OTUD7A: variants seen among roughly 807,000 people sequenced by gnomAD.
The protein encoded by OTUD7A is OTU domain-containing protein 7A.
In OTUD7A, 12 loss-of-function variants were observed where a neutral mutation model predicts 65.7. The ratio of observed to expected loss-of-function variants is 0.18; its 90% CI spans 0.12 to 0.30. The LOEUF (loss-of-function observed/expected upper bound fraction) is 0.30, where lower values mean the gene tolerates loss of function less well. Among genes scored for constraint, OTUD7A ranks in the 10% least tolerant of loss-of-function variants. The probability of loss-of-function intolerance (pLI) is 1.00; values close to 1 mark genes in which losing one functional copy is unlikely to be tolerated. For missense variants in OTUD7A, 1,148 were observed against 1,304.8 expected, an observed-to-expected ratio of 0.88 and a Z score of 1.85; for synonymous variants, 641 against 586.3, an observed-to-expected ratio of 1.09 and a Z score of -1.35.
intron 3 of OTUD7A, among the ~76,000 whole-genome samples, chr15:31,654,650 G>T (rs990895911): frequency 4.6e-5 from 7 of 152,098 alleles, no homozygotes; most frequent in African/African-American, 1.7e-4. Context: ...GTTCACTATG[G>T]TTATGGCTGA....
intron 8 of OTUD7A, 146 bp from the exon 9 acceptor site, chr15:31,503,964 C>G (rs1410650682): frequency 3.2e-6 from 3 of 949,534 alleles, no homozygotes; most frequent in Non-Finnish European, 4.6e-6. Flanking sequence ...TCCTGGGCCA[C>G]TTCTCATGCC....
At chr15:31,551,297 G>A (rs1035731283) in intron 5 of OTUD7A, among the ~76,000 whole-genome samples, 1 of 152,186 alleles carries the variant, frequency 6.6e-6, no homozygotes, top group Non-Finnish European at 1.5e-5. Context: ...CAAGGAGTGC[G>A]ATTGGGAACA....
At chr15:31,822,035 A>G (rs966988346) in intron 1 of OTUD7A, among the ~76,000 whole-genome samples, 1 of 152,140 alleles carries the variant, frequency 6.6e-6, no homozygotes, top group Admixed American at 6.5e-5. Flanking sequence ...ATTTACAAAT[A>G]TTTTCTCCCA....
intron 3 of OTUD7A, among the ~76,000 whole-genome samples, chr15:31,620,919 C>T (rs2141235980): frequency 8.9e-6 from 1 of 112,184 alleles, no homozygotes; most frequent in East Asian, 2.3e-4. Flanking sequence ...TATAAATTTC[C>T]CTCCACACAC....
At chr15:31,549,311 T>C (rs1246886175) in intron 5 of OTUD7A, among the ~76,000 whole-genome samples, 1 of 152,210 alleles carries the variant, frequency 6.6e-6, no homozygotes, top group Admixed American at 6.5e-5. Flanking sequence ...ATTCTGGATC[T>C]TTTAGCATAG....
chr15:31,596,609 A>T (rs1889910425), intron 3 of OTUD7A, among the ~76,000 whole-genome samples: 1 of 152,190 alleles, frequency 6.6e-6, no homozygotes, highest in Admixed American at 6.5e-5. Flanking sequence ...AACATTGGAA[A>T]GTTCTATTTT....
Position 31,483,509 on chromosome 15 carries a change from C to A in OTUD7A, c.2587G>T (p.Gly863Cys). ...HKSQTYTNGF[G>C]ALRDGLEFAD... ...AACTCCAGGCCGTCGCGCAGGGCGC[C>A]GAAGCCGTTGGTGTAGGTCTGCGAC... Residue 863 changes from glycine to cysteine, a missense_variant, in exon 13 of 13, where the codon GGC becomes TGC. Around this residue, in one of 6 missense-constraint regions of OTUD7A, gnomAD observed 842 missense variants for 769.5 expected, o/e 1.09. Transcript: ENST00000307050. The A allele has an allele frequency of 7.2e-7, 1 of 1,395,322 alleles. No homozygotes were observed. Among genetic ancestry groups the A allele is most frequent in the Non-Finnish European group, 9.3e-7 (1 of 1,072,426 alleles). 86.4% of individuals were successfully genotyped at this position (1,395,322 alleles called of 1,614,324 possible). A position where few individuals can be genotyped will look rare whatever the true frequency, so the allele number is the denominator to read the frequency against.
chr15:31,625,709 A>ATCT (rs1890931833), intron 3 of OTUD7A, among the ~76,000 whole-genome samples: 1 of 152,192 alleles, frequency 6.6e-6, no homozygotes, highest in Admixed American at 6.5e-5. Context: ...CTTCTACAGA[A>ATCT]ATGTCTGTAG....
At chr15:31,784,767 T>C (rs1282024435) in intron 1 of OTUD7A, among the ~76,000 whole-genome samples, 1 of 152,162 alleles carries the variant, frequency 6.6e-6, no homozygotes, top group African/African-American at 2.4e-5. Context: ...GGGCTTTGTA[T>C]TGTCTGAGTG....
intron 1 of OTUD7A, among the ~76,000 whole-genome samples, chr15:31,709,133 C>A (rs914383810): frequency 6.6e-6 from 1 of 151,518 alleles, no homozygotes; most frequent in Non-Finnish European, 1.5e-5. Context: ...GAGCTGTGTG[C>A]GCTCCTGCAG....
chr15:31,797,257 T>C (rs757160162), intron 1 of OTUD7A, among the ~76,000 whole-genome samples: 17 of 152,150 alleles, frequency 1.1e-4, no homozygotes, highest in Non-Finnish European at 2.2e-4. Context: ...GTGGAGGTGT[T>C]TTCTCGCTTA....
At chr15:31,527,511 C>A (rs1363031447) in intron 6 of OTUD7A, among the ~76,000 whole-genome samples, 1 of 152,246 alleles carries the variant, frequency 6.6e-6, no homozygotes, top group Non-Finnish European at 1.5e-5. Context: ...TGAAGCAGCA[C>A]ATCCTGTTCT....
intron 1 of OTUD7A, among the ~76,000 whole-genome samples, chr15:31,698,512 C>T (rs898753178): frequency 6.6e-6 from 1 of 152,194 alleles, no homozygotes; most frequent in Non-Finnish European, 1.5e-5. Context: ...TCCACCTAGA[C>T]CTGCTGAGTT....
intron 4 of OTUD7A, among the ~76,000 whole-genome samples, chr15:31,562,824 G>C (rs982611513): frequency 2.0e-5 from 3 of 152,154 alleles, no homozygotes; most frequent in Non-Finnish European, 4.4e-5. Context: ...GAGTGAGCGT[G>C]GGGGTGTTCC....
intron 1 of OTUD7A, among the ~76,000 whole-genome samples, chr15:31,761,613 G>A (rs1232500620): frequency 1.3e-5 from 2 of 152,160 alleles, no homozygotes; most frequent in Non-Finnish European, 2.9e-5. Context: ...AAATAGTTCA[G>A]CAGTTACTCA....
intron 1 of OTUD7A, among the ~76,000 whole-genome samples, chr15:31,738,908 C>T (rs1894264489): frequency 6.6e-6 from 1 of 152,220 alleles, no homozygotes; most frequent in Non-Finnish European, 1.5e-5. Flanking sequence ...GGGATTCCCA[C>T]ACCATGCCAG....
At chr15:31,760,193 T>C (rs1321494990) in intron 1 of OTUD7A, among the ~76,000 whole-genome samples, 1 of 152,194 alleles carries the variant, frequency 6.6e-6, no homozygotes, top group African/African-American at 2.4e-5. Context: ...ACCCTCATCC[T>C]TCATCCTTCT....
rs1430520569 is a variant in OTUD7A at position 31,481,046 on chromosome 15, G to A, written c.*2248C>T. ...AAGGTTTTCCTCTATTACAATGGAC[G>A]GTTTTTATTCTGTTTTATTTTTTTA... is the stretch of plus-strand genomic sequence containing the variant. On this transcript the variant is annotated 3_prime_UTR_variant, in exon 13 of 13. Coordinates refer to ENST00000307050, the MANE Select transcript of OTUD7A (RefSeq NM_001382637.1). The A allele has an allele frequency of 6.6e-6, 1 of 152,176 alleles. No individual in the cohort carries two copies. The highest frequency in any genetic ancestry group is 1.5e-5 in the Non-Finnish European group (1 of 68,044). The allele number at this position is 152,176 out of a possible 1,614,324, so 9.4% of individuals were successfully genotyped here. A position where few individuals can be genotyped will look rare whatever the true frequency, so the allele number is the denominator to read the frequency against.
chr15:31,493,448 T>G (rs1295227266), intron 10 of OTUD7A, among the ~76,000 whole-genome samples: 1 of 152,228 alleles, frequency 6.6e-6, no homozygotes, highest in Non-Finnish European at 1.5e-5. Flanking sequence ...ACTTTGCTAC[T>G]TTTTGCTCAG....
Sources: gnomAD v4.1 joint callset for allele counts (sites outside exome capture counted in the v4.1 genomes callset) on GRCh38, gnomAD v4.1.1 for gene constraint, gnomAD v4.1.1 regional missense constraint, MANE v1.5 for transcripts, NCBI Gene and HGNC (gene_info 2026-07-23, HGNC 2026-07-21) for gene names.